The following SH3RF2 variants were observed in gnomAD, a reference collection of about 807,000 sequenced individuals.
SH3RF2 encodes the protein E3 ubiquitin-protein ligase SH3RF2.
Under a neutral mutation model 59.0 loss-of-function variants are expected in SH3RF2, and 43 were observed. That is an observed-to-expected ratio of 0.73 (90% CI 0.57 to 0.94). The LOEUF (loss-of-function observed/expected upper bound fraction) is 0.94, where lower values mean the gene tolerates loss of function less well. Among genes scored for constraint, SH3RF2 ranks in the 40% least tolerant of loss-of-function variants. The pLI is 0.00. For missense variants in SH3RF2, 930 were observed against 940.1 expected (o/e 0.99, Z 0.14); for synonymous variants, 391 against 391.5 (o/e 1.00, Z 0.01).
intron 2 of SH3RF2, among the ~76,000 whole-genome samples, chr5:145,988,064 C>T (rs868406148): frequency 2.0e-4 from 30 of 152,276 alleles, no homozygotes; most frequent in Admixed American, 1.8e-3. Context: ...TGGAAAAAGG[C>T]ACATTAGGGC....
intron 5 of SH3RF2, among the ~76,000 whole-genome samples, chr5:146,035,195 CGTT>C (rs1313609105): frequency 1.3e-5 from 2 of 150,754 alleles, no homozygotes; most frequent in Admixed American, 6.6e-5. Context: ...TAAAAATGTT[CGTT>C]GTTGTCGCTG....
intron 4 of SH3RF2, among the ~76,000 whole-genome samples, chr5:146,006,354 G>A (rs539683170): frequency 3.9e-5 from 6 of 152,234 alleles, no homozygotes; most frequent in Admixed American, 2.0e-4. Flanking sequence ...CTAGGAGGTC[G>A]TGGCTACAGT....
exon 10 of SH3RF2, chr5:146,079,402 A>C (rs1349987120): frequency 6.6e-6 from 1 of 152,240 alleles, no homozygotes; most frequent in Non-Finnish European, 1.5e-5. Context: ...TTTGAACCAT[A>C]TATTTTCATC....
chr5:145,950,685 G>T (rs1293673328), intron 2 of SH3RF2, among the ~76,000 whole-genome samples: 1 of 152,180 alleles, frequency 6.6e-6, no homozygotes, highest in Non-Finnish European at 1.5e-5. Context: ...AATCAAATGT[G>T]CAAGGGAGGG....
chr5:146,059,383 T>TTCCTCTCTCC (rs1762798636), intron 8 of SH3RF2, among the ~76,000 whole-genome samples: 1 of 151,806 alleles, frequency 6.6e-6, no homozygotes, highest in East Asian at 1.9e-4. Context: ...GGGCAGAGTT[T>TTCCTCTCTCC]TCCTCTCTCC....
intron 2 of SH3RF2, among the ~76,000 whole-genome samples, chr5:145,979,560 G>T (rs1279629140): frequency 6.6e-6 from 1 of 152,108 alleles, no homozygotes; most frequent in African/African-American, 2.4e-5. Context: ...AAATGGGTTC[G>T]CTCATTTTCA....
exon 10 of SH3RF2, chr5:146,078,489 A>G (rs17796858): frequency 0.23 from 34,358 of 152,190 alleles, 4,897 homozygotes; most frequent in Admixed American, 0.34. Context: ...CCCAGGAGGA[A>G]TTCATGACAA....
chr5:145,992,741 C>CCG (rs1759997632), intron 2 of SH3RF2, among the ~76,000 whole-genome samples: 1 of 152,076 alleles, frequency 6.6e-6, no homozygotes, highest in Non-Finnish European at 1.5e-5. Flanking sequence ...AGACTTGCCC[C>CCG]TGTGATTCAA....
intron 2 of SH3RF2, among the ~76,000 whole-genome samples, chr5:145,996,839 A>G (rs1760174703): frequency 6.6e-6 from 1 of 152,186 alleles, no homozygotes; most frequent in Non-Finnish European, 1.5e-5. Flanking sequence ...CAGTTGTGTC[A>G]TCTTATGCAA....
chr5:146,079,981 T>C (rs1175448413), exon 10 of SH3RF2: 1 of 152,250 alleles, frequency 6.6e-6, no homozygotes, highest in Admixed American at 6.5e-5. Flanking sequence ...GCTTTTTAAG[T>C]CTCTGGGAAC....
chr5:145,947,346 G>A (rs897982821), intron 2 of SH3RF2, among the ~76,000 whole-genome samples: 2 of 152,176 alleles, frequency 1.3e-5, no homozygotes, highest in African/African-American at 2.4e-5. Context: ...GTCCATTCAT[G>A]AGTACTGCCT....
At chr5:146,049,337 T>C in intron 7 of SH3RF2, 92 bp downstream of exon 7, 1 of 1,435,856 alleles carries the variant, frequency 7.0e-7, no homozygotes. Flanking sequence ...CCCAGTGCTC[T>C]TTCAGAAAAC....
At chr5:145,966,266 G>C (rs1224188363) in intron 2 of SH3RF2, among the ~76,000 whole-genome samples, 1 of 152,190 alleles carries the variant, frequency 6.6e-6, no homozygotes, top group Non-Finnish European at 1.5e-5. Flanking sequence ...CCTACCCAGA[G>C]AACATGGCAA....
intron 2 of SH3RF2, among the ~76,000 whole-genome samples, chr5:145,978,262 A>G (rs1437221909): frequency 6.6e-6 from 1 of 152,158 alleles, no homozygotes; most frequent in Admixed American, 6.6e-5. Flanking sequence ...CCCAAACCTA[A>G]GATTATAAGA....
intron 5 of SH3RF2, among the ~76,000 whole-genome samples, chr5:146,028,970 T>A (rs183988140): frequency 6.6e-6 from 1 of 152,208 alleles, no homozygotes; most frequent in East Asian, 1.9e-4. Context: ...GAAAAACATA[T>A]TGTGCAGAGA....
intron 9 of SH3RF2, among the ~76,000 whole-genome samples, chr5:146,072,945 T>C (rs759295447): frequency 6.6e-6 from 1 of 152,252 alleles, no homozygotes; most frequent in African/African-American, 2.4e-5. Context: ...AGTGAGACAA[T>C]GTAAATAGTC....
At chr5:146,037,199 A>G (rs568836418) in intron 5 of SH3RF2, among the ~76,000 whole-genome samples, 1 of 152,232 alleles carries the variant, frequency 6.6e-6, no homozygotes, top group South Asian at 2.1e-4. Flanking sequence ...GAACCCTCAC[A>G]AGAACCTCAT....
intron 5 of SH3RF2, among the ~76,000 whole-genome samples, chr5:146,041,749 G>T (rs11749886): frequency 0.28 from 42,925 of 151,908 alleles, 7,687 homozygotes; most frequent in Non-Finnish European, 0.38. Context: ...GGGCAACGTG[G>T]TGGAACCCCA....
intron 7 of SH3RF2, among the ~76,000 whole-genome samples, chr5:146,055,045 C>G (rs947964487): frequency 6.6e-6 from 1 of 152,214 alleles, no homozygotes; most frequent in African/African-American, 2.4e-5. Context: ...AGTCTGGAAA[C>G]AGTGGATAAG....
Sources: gnomAD v4.1 joint callset for allele counts (sites outside exome capture counted in the v4.1 genomes callset) on GRCh38, gnomAD v4.1.1 for gene constraint, MANE v1.5 for transcripts, NCBI Gene and HGNC (gene_info 2026-07-23, HGNC 2026-07-21) for gene names.